NECTIN1: variants seen among roughly 807,000 people sequenced by gnomAD.
NECTIN1 encodes the protein nectin cell adhesion molecule 1.
NECTIN1 carries 23 observed loss-of-function variants against 48.0 expected under a neutral mutation model. That is an observed-to-expected ratio of 0.48 (90% CI 0.34 to 0.68). The LOEUF (loss-of-function observed/expected upper bound fraction) is 0.68, where lower values mean the gene tolerates loss of function less well. Among genes scored for constraint, NECTIN1 ranks in the 30% least tolerant of loss-of-function variants. The pLI, the probability that NECTIN1 is intolerant of heterozygous loss-of-function variation, is 0.01. For missense variants in NECTIN1, 591 were observed against 709.9 expected (o/e 0.83, Z 1.90); for synonymous variants, 270 against 288.9 (o/e 0.93, Z 0.66).
At chr11:119,645,148 G>T (rs1864379601) in intron 5 of NECTIN1, among the ~76,000 whole-genome samples, 1 of 152,176 alleles carries the variant, frequency 6.6e-6, no homozygotes, top group African/African-American at 2.4e-5. Flanking sequence ...CAGGCTGGGT[G>T]TTTGGACTTG....
chr11:119,677,301 G>A lies in NECTIN1; in HGVS notation c.734-82C>T. ...AGGGAACTTCAGCCAGGAAGGGATGGAAGGAGCAGTGGCATGGAAACAGCC... is the reference window on the plus strand; with the variant it reads ...AGGGAACTTCAGCCAGGAAGGGATGAAAGGAGCAGTGGCATGGAAACAGCC... On this transcript the variant is annotated intron_variant, in intron 3 of 5. Coordinates refer to ENST00000264025, the MANE Select transcript of NECTIN1 (RefSeq NM_002855.5). This position sits in a 1 kb window ranked among gnomAD's most constrained non-coding sequence, Gnocchi z 5.4. The A allele has an allele frequency of 7.8e-7, 1 of 1,277,936 alleles. No individual in the cohort carries two copies. Among genetic ancestry groups the A allele is most frequent in the Non-Finnish European group, 1.1e-6 (1 of 878,174 alleles). 79.2% of individuals were successfully genotyped at this position (1,277,936 alleles called of 1,614,324 possible). A position where few individuals can be genotyped will look rare whatever the true frequency, so the allele number is the denominator to read the frequency against.
Position 119,675,264 on chromosome 11 carries a change from G to C in NECTIN1, c.898C>G (p.Leu300Val). ...PKGVEAQNRTLFFKGPINYSL... is the reference protein window; with the variant it reads ...PKGVEAQNRTVFFKGPINYSL... ...TAGTTGATGGGTCCCTTGAAGAAGA[G>C]GGTTCTGTTCTGGGCCTCCACACCC... Residue 300 changes from leucine (L) to valine (V), a missense_variant, in exon 5 of 6, where the codon CTC becomes GTC. By Grantham distance (32) the Leu-to-Val change is conservative. Coordinates refer to ENST00000264025, the MANE Select transcript of NECTIN1 (RefSeq NM_002855.5). The C allele has an allele frequency of 6.2e-7, 1 of 1,614,110 alleles. No homozygotes were observed. The highest frequency in any genetic ancestry group is 1.1e-5 in the South Asian group (1 of 91,076).
rs1458216047 is a variant in NECTIN1 at position 119,713,946 on chromosome 11, C to A, written c.79+14529G>T. On this transcript the variant is annotated intron_variant, in intron 1 of 5. Coordinates refer to ENST00000264025, the MANE Select transcript of NECTIN1 (RefSeq NM_002855.5). ...TGGGGACTTGGGGAGAAACTCTAAA[C>A]AGAGTCTCCTGGGCTTTGGGGGCAA... is the stretch of plus-strand genomic sequence containing the variant. The A allele has an allele frequency of 8.9e-6, 4 of 447,726 alleles. No individual in the cohort carries two copies. In the East Asian group the frequency reaches 2.8e-4, roughly 31 times the overall value. 27.7% of individuals were successfully genotyped at this position (447,726 alleles called of 1,614,324 possible). A position where few individuals can be genotyped will look rare whatever the true frequency, so the allele number is the denominator to read the frequency against.
chr11:119,638,731 C>G, exon 7 of NECTIN1: 1 of 1,613,698 alleles, frequency 6.2e-7, no homozygotes. Context: ...TCAGGCCCAC[C>G]TGGATATCCT....
Position 119,662,954 on chromosome 11 carries a change from C to T in NECTIN1, c.*1793G>A. The T allele has an allele frequency of 1.0e-6, 1 of 978,590 alleles. No homozygotes were observed. Among genetic ancestry groups the T allele is most frequent in the Non-Finnish European group, 1.2e-6 (1 of 827,740 alleles). 60.6% of individuals were successfully genotyped at this position (978,590 alleles called of 1,614,324 possible). ...GTGAGGGCCAGACAACGACGACCCA[C>T]CTGCTGGGCCCAGGGTTGCCAGGGC... On this transcript the variant is annotated 3_prime_UTR_variant, in exon 6 of 6. Coordinates refer to ENST00000264025, the MANE Select transcript of NECTIN1 (RefSeq NM_002855.5). The surrounding 1 kb of genome is among the most constrained non-coding windows in gnomAD (Gnocchi z 5.3).
Position 119,665,083 on chromosome 11 carries a change from G to C in NECTIN1, c.1218C>G (p.Pro406=), listed in dbSNP as rs372070347. 1 of 1,614,046 alleles carries C rather than the reference G, an allele frequency of 6.2e-7. No homozygotes were observed. The highest frequency in any genetic ancestry group is 1.3e-5 in the African/African-American group (1 of 75,030). The part of the protein sequence containing the change: ...YGNGYSKAGI[P]QHHPPMAQNL... ...TCTGTGCCATTGGTGGGTGGTGCTGGGGGATGCCTGCCTTGCTGTAGCCGT... is the reference window on the plus strand; with the variant it reads ...TCTGTGCCATTGGTGGGTGGTGCTGCGGGATGCCTGCCTTGCTGTAGCCGT... Residue 406 remains proline (P), a synonymous_variant, in exon 6 of 6, where the codon CCC becomes CCG. Transcript: ENST00000264025. This position sits in a 1 kb window ranked among gnomAD's most constrained non-coding sequence, Gnocchi z 5.1.
At chr11:119,638,110 T>A in exon 8 of NECTIN1, 2 of 1,612,828 alleles carry the variant, frequency 1.2e-6, no homozygotes, top group African/African-American at 1.3e-5. Context: ...AGGGGCACTC[T>A]CCTCGAGGTT....
intron 1 of NECTIN1, among the ~76,000 whole-genome samples, chr11:119,710,212 G>C (rs1865617042): frequency 6.6e-6 from 1 of 152,364 alleles, no homozygotes; most frequent in Middle Eastern, 3.4e-3. Context: ...CACATGTGCA[G>C]CTGAACGCTG....
rs866260117 is a variant in NECTIN1, at chr11:119,663,658, A to G, written c.*1089T>C. On this transcript the variant is annotated 3_prime_UTR_variant, in exon 6 of 6. Coordinates refer to ENST00000264025, the MANE Select transcript of NECTIN1 (RefSeq NM_002855.5). ...CTTTACCTCTGACTCCTGCAGGTGG[A>G]TCCCCCTGGGATCCCAGCCCTGACT... 3.2e-5 allele frequency: 32 copies of G among 985,368 alleles called. No homozygotes were observed. The highest frequency in any genetic ancestry group is 3.6e-5 in the Non-Finnish European group (30 of 829,948). 61.0% of individuals were successfully genotyped at this position (985,368 alleles called of 1,614,324 possible).
chr11:119,716,746 A>G (rs1865748103), intron 1 of NECTIN1, among the ~76,000 whole-genome samples: 1 of 152,194 alleles, frequency 6.6e-6, no homozygotes, highest in African/African-American at 2.4e-5. Context: ...ACCCACCCTT[A>G]GTAGCCAGGC....
At chr11:119,639,327 G>A (rs1379427899) in intron 6 of NECTIN1, among the ~76,000 whole-genome samples, 1 of 152,170 alleles carries the variant, frequency 6.6e-6, no homozygotes. Context: ...GGAAAAGTCA[G>A]TTATTCTAAT....
At chr11:119,711,183 A>T (rs1051784836) in intron 1 of NECTIN1, among the ~76,000 whole-genome samples, 1 of 152,038 alleles carries the variant, frequency 6.6e-6, no homozygotes, top group Admixed American at 6.5e-5. Flanking sequence ...TGAGGTCAGG[A>T]GTTCGAGACC....
chr11:119,639,495 G>C (rs151061274), intron 6 of NECTIN1: 36 of 365,118 alleles, frequency 9.9e-5, no homozygotes, highest in Middle Eastern at 8.9e-4. Flanking sequence ...TCTGGTCCTA[G>C]GTCTGCCCTC....
chr11:119,699,502 G>T (rs1865403782), intron 1 of NECTIN1, among the ~76,000 whole-genome samples: 1 of 42,126 alleles, frequency 2.4e-5, no homozygotes, highest in African/African-American at 1.1e-4. Flanking sequence ...GTCCCCAGCG[G>T]CCCGCCCCAC....
Position 119,678,455 on chromosome 11 carries a change from A to G in NECTIN1, c.390T>C (p.Pro130=). Residue 130 remains proline, a synonymous_variant, in exon 2 of 6, where the codon CCT becomes CCC. Coordinates refer to ENST00000264025, the MANE Select transcript of NECTIN1 (RefSeq NM_002855.5). This position sits in a 1 kb window ranked among gnomAD's most constrained non-coding sequence, Gnocchi z 4.4. ...TGAGCTGGCTTTCTCGATTGCCCGT[A>G]GGGAAGGTAGCAAACTCGCAGATGT... ...GVYICEFATF[P]TGNRESQLNL... is the part of the protein sequence containing the mutation. 6.2e-7 allele frequency: 1 copy of G among 1,614,234 alleles called. No homozygotes were observed. The highest frequency in any genetic ancestry group is 8.5e-7 in the Non-Finnish European group (1 of 1,180,042).
At chr11:119,645,261 G>A (rs1366580315) in intron 5 of NECTIN1, among the ~76,000 whole-genome samples, 1 of 152,166 alleles carries the variant, frequency 6.6e-6, no homozygotes, top group Admixed American at 6.5e-5. Context: ...ACGTGTGCTG[G>A]ACTGACCTTT....
chr11:119,652,523 T>C (rs61122873), intron 5 of NECTIN1, among the ~76,000 whole-genome samples: 2,385 of 152,296 alleles, frequency 0.016, 54 homozygotes, highest in East Asian at 0.055. Context: ...CTTCAAACAT[T>C]CTTTTTTAAA....
chr11:119,702,641 A>G (rs932450699), intron 1 of NECTIN1, among the ~76,000 whole-genome samples: 10 of 152,218 alleles, frequency 6.6e-5, no homozygotes, highest in Non-Finnish European at 1.2e-4. Flanking sequence ...TCCTGGGTTC[A>G]AATCCCAGCT....
At chr11:119,726,819 T>C (rs1591493524) in intron 1 of NECTIN1, among the ~76,000 whole-genome samples, 1 of 152,238 alleles carries the variant, frequency 6.6e-6, no homozygotes, top group East Asian at 1.9e-4. Flanking sequence ...TTTCTCTGGG[T>C]TCCGGATGTG....
Sources: gnomAD v4.1 joint callset for allele counts (sites outside exome capture counted in the v4.1 genomes callset) on GRCh38, gnomAD v4.1.1 for gene constraint, Gnocchi (gnomAD v3.1) non-coding constraint, MANE v1.5 for transcripts, NCBI Gene and HGNC (gene_info 2026-07-23, HGNC 2026-07-21) for gene names.